Variants in DNHD1 observed in about 807,000 individuals in gnomAD.
DNHD1 encodes dynein heavy chain domain 1, also known as dynein heavy chain domain-containing protein 1.
DNHD1 carries 383 observed loss-of-function variants against 458.1 expected under a neutral mutation model. The observed-to-expected ratio is 0.84, with a 90% CI of 0.77 to 0.91. The LOEUF (loss-of-function observed/expected upper bound fraction) is 0.91, where lower values mean the gene tolerates loss of function less well. DNHD1 is among the 40% of genes least tolerant of loss of function. The pLI, the probability that DNHD1 is intolerant of heterozygous loss-of-function variation, is 0.00. For missense variants in DNHD1, 5,336 were observed against 5,866.1 expected (o/e 0.91, Z 2.95); for synonymous variants, 2,203 against 2,376.9 (o/e 0.93, Z 2.13).
chr11:6,508,632 A>G (rs1852272666), intron 4 of DNHD1: 1 of 484,476 alleles, frequency 2.1e-6, no homozygotes, highest in African/African-American at 2.0e-5. Context: ...GCATTTGAAG[A>G]TATGAACTTC....
intron 39 of DNHD1, 38 bp downstream of exon 39, chr11:6,568,904 T>C: frequency 6.4e-7 from 1 of 1,564,298 alleles, no homozygotes; most frequent in Non-Finnish European, 8.7e-7. Flanking sequence ...AGTCAATCAC[T>C]CAACAAACAT....
intron 14 of DNHD1, among the ~76,000 whole-genome samples, chr11:6,536,315 A>C (rs190522892): frequency 9.4e-4 from 143 of 152,332 alleles, no homozygotes; most frequent in African/African-American, 3.3e-3. Context: ...TTATTAGGTC[A>C]ACTGACAAAA....
At position 6,522,338 on chromosome 11, in the gene DNHD1, C is replaced by A. The variant is rs139040503; in HGVS notation, c.1837+2049C>A. Among the ~76,000 whole-genome samples the A allele has an allele frequency of 8.8e-3, 1,346 of 152,168 alleles. 18 individuals carry two copies. The highest frequency in any genetic ancestry group is 0.03 in the African/African-American group (1,266 of 41,530). On this transcript the variant is annotated intron_variant, in intron 10 of 42. Transcript: ENST00000254579. ...TTCTTTTGCTGTGCAGAAGCTCTTACGTTTAACTGGATCCCATTTGTCAAT... is the reference window on the plus strand; with the variant it reads ...TTCTTTTGCTGTGCAGAAGCTCTTAAGTTTAACTGGATCCCATTTGTCAAT...
chr11:6,526,414 A>G (rs913820229), intron 10 of DNHD1, among the ~76,000 whole-genome samples: 1 of 151,224 alleles, frequency 6.6e-6, no homozygotes, highest in Non-Finnish European at 1.5e-5. Context: ...ACATGCTTTC[A>G]TTGTCTCTGG....
In DNHD1 at chr11:6,571,044, A is replaced by G. The variant is rs766694615; in HGVS notation, c.13532A>G (p.Lys4511Arg). Reference protein sequence around the residue: ...RDLDCLLQQLKGAPPCPSRRC... With the variant: ...RDLDCLLQQLRGAPPCPSRRC... Reference sequence around the variant, plus strand: ...CTTGATTGCCTGTTGCAGCAGCTGAAGGGCGCACCCCCGTGCCCCTCCCGC... The same window carrying G: ...CTTGATTGCCTGTTGCAGCAGCTGAGGGGCGCACCCCCGTGCCCCTCCCGC... Residue 4511 changes from lysine to arginine, a missense_variant, in exon 42 of 43, where the codon AAG (lysine) becomes AGG (arginine). Physicochemically the swap from Lys to Arg is conservative, Grantham distance 26. Transcript: ENST00000254579. This position sits in a 1 kb window ranked among gnomAD's most constrained non-coding sequence, Gnocchi z 5.0. The G allele has an allele frequency of 6.3e-7, 1 of 1,580,656 alleles. No homozygotes were observed.
In DNHD1 at chr11:6,545,439, C is replaced by T. The variant is rs1434339137; in HGVS notation, c.4500C>T (p.Ile1500=). The T allele has an allele frequency of 5.8e-6, 9 of 1,551,736 alleles. No individual in the cohort carries two copies. Among genetic ancestry groups the T allele is most frequent in the Non-Finnish European group, 7.8e-6 (9 of 1,147,036 alleles). Reference sequence around the variant, plus strand: ...TGCAACTGTATGTCCAGCACTGGATCGACTTAGTCCAGGCCTTCCCATGGC... The same window carrying T: ...TGCAACTGTATGTCCAGCACTGGATTGACTTAGTCCAGGCCTTCCCATGGC... ...LYLQLYVQHW[I]DLVQAFPWQC... is the part of the protein sequence containing the mutation. Residue 1500 remains isoleucine (I), a synonymous_variant, in exon 21 of 43, where the codon ATC becomes ATT. Coordinates refer to ENST00000254579, the MANE Select transcript of DNHD1 (RefSeq NM_144666.3). This position sits in a 1 kb window ranked among gnomAD's most constrained non-coding sequence, Gnocchi z 4.9.
Position 6,546,335 on chromosome 11 carries a change from T to TTGGCTA in DNHD1, c.5402_5407dup (p.Tyr1801_Gly1802dup). On this transcript the variant is annotated inframe_insertion, in exon 21 of 43. Transcript: ENST00000254579. ...GAAAAACATCACGTGTCTGTGCGCC[T>TTGGCTA]TGGCTATGGCTGTCTCCTGGTACTG... The TTGGCTA allele has an allele frequency of 3.9e-6, 6 of 1,552,368 alleles. No homozygotes were observed. Among genetic ancestry groups the TTGGCTA allele is most frequent in the Non-Finnish European group, 4.4e-6 (5 of 1,147,144 alleles).
intron 7 of DNHD1, among the ~76,000 whole-genome samples, chr11:6,515,034 A>G (rs994866851): frequency 2.0e-5 from 3 of 152,156 alleles, no homozygotes; most frequent in Admixed American, 6.5e-5. Context: ...ACCCACTCCC[A>G]TGATCAGAAC....
chr11:6,566,899 G>A lies in DNHD1; in HGVS notation c.11390G>A (p.Arg3797Gln), dbSNP rs377176360. ...CCAACAAATGAGTGTATGCAGGAGC[G>A]GCTGCTGACGATGCTGCTGTTCCAG... ...TCKAVEAAEE[R>Q]LLTMLLFQNP... Residue 3797 changes from arginine (R) to glutamine (Q), a missense_variant, in exon 36 of 43, where the codon CGG (arginine) becomes CAG (glutamine). Transcript: ENST00000254579. The A allele has an allele frequency of 1.2e-5, 19 of 1,611,806 alleles. No individual in the cohort carries two copies. Among genetic ancestry groups the A allele is most frequent in the African/African-American group, 2.7e-5 (2 of 75,024 alleles).
Position 6,563,418 on chromosome 11 carries a change from C to T in DNHD1, c.9706C>T (p.Gln3236Ter), listed in dbSNP as rs1360198842. Residue 3236 changes from glutamine to a stop codon, truncating the protein, a stop_gained, in exon 30 of 43, where the codon CAG becomes TAG. Coordinates refer to ENST00000254579, the MANE Select transcript of DNHD1 (RefSeq NM_144666.3). LOFTEE classifies it high-confidence loss of function. Reference sequence around the variant, plus strand: ...ATTTCTGGAGCCTCTGAGCCAGCTGCAGGTGGCTGACTTTGAGGAGATACG... The same window carrying T: ...ATTTCTGGAGCCTCTGAGCCAGCTGTAGGTGGCTGACTTTGAGGAGATACG... The part of the protein sequence containing the change: ...KAFLEPLSQL[Q>*]VADFEEIRSY... 3 of 1,551,716 alleles carry T rather than the reference C, an allele frequency of 1.9e-6. No homozygotes were observed. The highest frequency in any genetic ancestry group is 2.6e-6 in the Non-Finnish European group (3 of 1,146,996).
At chr11:6,532,493 G>C (rs1852846702) in intron 12 of DNHD1, among the ~76,000 whole-genome samples, 1 of 152,126 alleles carries the variant, frequency 6.6e-6, no homozygotes, top group Admixed American at 6.5e-5. Flanking sequence ...CTAGAGCAAG[G>C]GCAGTAAGAC....
chr11:6,520,818 T>C (rs565394059), intron 10 of DNHD1: 1 of 990,548 alleles, frequency 1.0e-6, no homozygotes, highest in African/African-American at 1.7e-5. Flanking sequence ...ATTTCCCTTA[T>C]TTAGGATACT....
rs1396199170 is a variant in DNHD1 at position 6,566,670 on chromosome 11, G to A, written c.11290G>A (p.Glu3764Lys). The change falls in exon 35 of 43, where the codon GAA (glutamate) becomes AAA (lysine). Residue 3764 changes from glutamate (E) to lysine (K), a missense_variant. Transcript: ENST00000254579. ...MEILEEQMLH[E>K]ILCREYPELE... Reference sequence around the variant, plus strand: ...AATACTGGAAGAACAGATGCTGCATGAAATCTTGTGCAGAGAGTATCCTGA... The same window carrying A: ...AATACTGGAAGAACAGATGCTGCATAAAATCTTGTGCAGAGAGTATCCTGA... 2 of 1,613,532 alleles carry A rather than the reference G, an allele frequency of 1.2e-6. No individual in the cohort carries two copies. The highest frequency in any genetic ancestry group is 1.1e-5 in the South Asian group (1 of 90,888).
Position 6,563,499 on chromosome 11 carries a change from T to C in DNHD1, c.9787T>C (p.Leu3263=). 5.8e-6 allele frequency: 9 copies of C among 1,551,724 alleles called. No homozygotes were observed. The highest frequency in any genetic ancestry group is 7.8e-6 in the Non-Finnish European group (9 of 1,146,994). ...VVRVTDAMCD[L]FHHETGWASA... Reference sequence around the variant, plus strand: ...CCGGGTAACTGATGCAATGTGTGACTTGTTCCACCATGAAACAGGCTGGGC... The same window carrying C: ...CCGGGTAACTGATGCAATGTGTGACCTGTTCCACCATGAAACAGGCTGGGC... Residue 3263 remains leucine, a synonymous_variant, in exon 30 of 43, where the codon TTG becomes CTG. Transcript: ENST00000254579.
chr11:6,557,461 C>T lies in DNHD1; in HGVS notation c.8166C>T (p.Asn2722=), dbSNP rs1158174613. The T allele has an allele frequency of 4.5e-6, 7 of 1,551,554 alleles. No individual in the cohort carries two copies. In the Admixed American group the frequency reaches 1.2e-4, roughly 26 times the overall value. ...GELAQWEDFS[N]SNSETEEEEE... The stretch of plus-strand genomic sequence containing the variant: ...TGGCCCAGTGGGAGGACTTCAGCAA[C>T]AGCAATAGTGAAACAGAGGAGGAAG... Residue 2722 remains asparagine (N), a synonymous_variant, in exon 25 of 43, where the codon AAC becomes AAT. Coordinates refer to ENST00000254579, the MANE Select transcript of DNHD1 (RefSeq NM_144666.3).
chr11:6,559,437 A>G (rs1277304044), intron 28 of DNHD1, among the ~76,000 whole-genome samples, 154 bp downstream of exon 28: 1 of 152,128 alleles, frequency 6.6e-6, no homozygotes, highest in African/African-American at 2.4e-5. Context: ...CTCCTCCTTT[A>G]CAGCTTAGGT....
In DNHD1 at chr11:6,559,044, C is replaced by T. The variant is rs965088512; in HGVS notation, c.9354C>T (p.Phe3118=). 3.2e-6 allele frequency: 5 copies of T among 1,551,594 alleles called. No individual in the cohort carries two copies. In the African/African-American group the frequency reaches 6.8e-5, roughly 21 times the overall value. ...PLVTPKTFLD[F]LDTFLMLQQQ... Reference sequence around the variant, plus strand: ...TCACCCCCAAGACCTTCCTAGACTTCCTGGACACTTTCCTGATGCTGCAGC... The same window carrying T: ...TCACCCCCAAGACCTTCCTAGACTTTCTGGACACTTTCCTGATGCTGCAGC... The change falls in exon 27 of 43, where the codon TTC becomes TTT. Residue 3118 remains phenylalanine (F), a synonymous_variant. Transcript: ENST00000254579.
rs1852772287 is a variant in DNHD1, at chr11:6,528,979, G to A, written c.2205G>A (p.Met735Ile). The change falls in exon 12 of 43, where the codon ATG (methionine) becomes ATA (isoleucine). Residue 735 changes from methionine (M) to isoleucine (I), a missense_variant. Physicochemically the swap from Met to Ile is conservative, Grantham distance 10. Coordinates refer to ENST00000254579, the MANE Select transcript of DNHD1 (RefSeq NM_144666.3). ...GGGGGCCTCAGAAGCTGGAAGACAT[G>A]AGAGGTGGTCCCATCAAGAACTACG... Reference protein sequence around the residue: ...QSWGPQKLEDMRGGPIKNYVT... With the variant: ...QSWGPQKLEDIRGGPIKNYVT... 2 of 1,551,538 alleles carry A rather than the reference G, an allele frequency of 1.3e-6. No individual in the cohort carries two copies. The highest frequency in any genetic ancestry group is 2.7e-5 in the African/African-American group (2 of 73,066).
At position 6,547,339 on chromosome 11, in the gene DNHD1, A is replaced by C; in HGVS notation, c.6400A>C (p.Ile2134Leu). The change falls in exon 21 of 43, where the codon ATA becomes CTA. Residue 2134 changes from isoleucine (I) to leucine (L), a missense_variant. Coordinates refer to ENST00000254579, the MANE Select transcript of DNHD1 (RefSeq NM_144666.3). ...LLMEVADTTG[I>L]SPTVVGCCAL... Reference sequence around the variant, plus strand: ...GATGGAGGTGGCTGACACAACAGGCATATCCCCCACAGTGGTAGGCTGTTG... The same window carrying C: ...GATGGAGGTGGCTGACACAACAGGCCTATCCCCCACAGTGGTAGGCTGTTG... 1 of 1,551,778 alleles carries C rather than the reference A, an allele frequency of 6.4e-7. No homozygotes were observed. Among genetic ancestry groups the C allele is most frequent in the East Asian group, 2.4e-5 (1 of 40,924 alleles).
Sources: gnomAD v4.1 joint callset for allele counts (sites outside exome capture counted in the v4.1 genomes callset) on GRCh38, gnomAD v4.1.1 for gene constraint, Gnocchi (gnomAD v3.1) non-coding constraint, MANE v1.5 for transcripts, NCBI Gene and HGNC (gene_info 2026-07-23, HGNC 2026-07-21) for gene names.